Variants in GRIK4 observed in about 807,000 individuals in gnomAD.
The protein encoded by GRIK4 is glutamate receptor ionotropic, kainate 4.
A neutral mutation model predicts 104.9 loss-of-function variants in GRIK4; 40 were observed. The observed-to-expected ratio is 0.38, with a 90% CI of 0.30 to 0.50. GRIK4 has a LOEUF of 0.50. GRIK4 is among the 20% of genes least tolerant of loss of function. The probability of loss-of-function intolerance (pLI) is 0.93; values close to 1 mark genes in which losing one functional copy is unlikely to be tolerated. For synonymous variants in GRIK4, 485 were observed against 524.9 expected, an observed-to-expected ratio of 0.92 and a Z score of 1.04; for missense variants, 1,047 against 1,308.1, an observed-to-expected ratio of 0.80 and a Z score of 3.08.
chr11:120,578,863 G>C (rs1402654842), intron 1 of GRIK4, among the ~76,000 whole-genome samples: 2 of 152,188 alleles, frequency 1.3e-5, no homozygotes, highest in Non-Finnish European at 2.9e-5. Flanking sequence ...AGGTGGGGAG[G>C]GTTGCAACTG....
intron 1 of GRIK4, among the ~76,000 whole-genome samples, chr11:120,558,876 T>G (rs183692000): frequency 1.1e-4 from 16 of 152,304 alleles, no homozygotes; most frequent in Admixed American, 9.8e-4. Flanking sequence ...CTTACTCTTT[T>G]TTTTGCTCTG....
intron 8 of GRIK4, among the ~76,000 whole-genome samples, chr11:120,838,816 G>A (rs929368387): frequency 2.0e-5 from 3 of 151,860 alleles, no homozygotes; most frequent in East Asian, 1.9e-4. Flanking sequence ...ACAGAATCTC[G>A]CTCTGTCACC....
chr11:120,855,390 C>G (rs1055777997), intron 8 of GRIK4, among the ~76,000 whole-genome samples: 1 of 152,170 alleles, frequency 6.6e-6, no homozygotes, highest in African/African-American at 2.4e-5. Flanking sequence ...CTCATGTTCT[C>G]AGTGAAGTGC....
chr11:120,723,724 A>G (rs1354313985), intron 3 of GRIK4, among the ~76,000 whole-genome samples: 2 of 152,170 alleles, frequency 1.3e-5, no homozygotes, highest in African/African-American at 4.8e-5. Context: ...CACAGTGGAT[A>G]GGACATCTGA....
rs988667374 is a variant in GRIK4 at position 120,939,398 on chromosome 11, C to T, written c.1477-949C>T. 1.1e-4 allele frequency among the ~76,000 whole-genome samples: 16 copies of T among 152,138 alleles called. No individual in the cohort carries two copies. Among genetic ancestry groups the T allele is most frequent in the Non-Finnish European group, 8.8e-5 (6 of 68,032 alleles). ...ATTAAGGGGACCAGAAACTCTTCTT[C>T]GGGTCTGCTAATGACATCTGAAGTT... On this transcript the variant is annotated intron_variant, in intron 13 of 20. Transcript: ENST00000527524. The surrounding 1 kb of genome is among the most constrained non-coding windows in gnomAD (Gnocchi z 5.6).
rs1257355728 is a variant in GRIK4, at chr11:120,898,964, G to A, written c.1272+325G>A. 4.6e-5 allele frequency among the ~76,000 whole-genome samples: 7 copies of A among 152,118 alleles called. No homozygotes were observed. The East Asian group carries it at 1.3e-3, about 29-fold the overall frequency. On this transcript the variant is annotated intron_variant, in intron 12 of 20. Coordinates refer to ENST00000527524, the MANE Select transcript of GRIK4 (RefSeq NM_014619.5). The stretch of plus-strand genomic sequence containing the variant: ...GAGCGGGCAGCTGGATCCAGACCCT[G>A]CGGACCCCTGCCCCTTCCCAGCAGC...
At chr11:120,627,357 C>A (rs1437026697) in intron 1 of GRIK4, among the ~76,000 whole-genome samples, 1 of 152,228 alleles carries the variant, frequency 6.6e-6, no homozygotes, top group African/African-American at 2.4e-5. Flanking sequence ...AAGGAGAGCA[C>A]CAGGCTAGGA....
At chr11:120,578,641 C>G (rs1165070960) in intron 1 of GRIK4, among the ~76,000 whole-genome samples, 1 of 152,170 alleles carries the variant, frequency 6.6e-6, no homozygotes, top group African/African-American at 2.4e-5. Context: ...CTCAGTACAA[C>G]TTGGTGGAAT....
intron 1 of GRIK4, among the ~76,000 whole-genome samples, chr11:120,617,073 T>A (rs2135157490): frequency 6.6e-6 from 1 of 152,326 alleles, no homozygotes; most frequent in Non-Finnish European, 1.5e-5. Flanking sequence ...GGGAGCCCCG[T>A]GAATGTTGGC....
At chr11:120,839,492 G>A (rs1369783858) in intron 8 of GRIK4, among the ~76,000 whole-genome samples, 3 of 152,152 alleles carry the variant, frequency 2.0e-5, no homozygotes, top group Admixed American at 2.0e-4. Context: ...ACATAGCAAT[G>A]GACTCACAAT....
intron 9 of GRIK4, among the ~76,000 whole-genome samples, chr11:120,862,654 C>T (rs1592001360): frequency 6.6e-6 from 1 of 152,148 alleles, no homozygotes; most frequent in South Asian, 2.1e-4. Context: ...TCCAGAATGG[C>T]TCCCTTCTGC....
chr11:120,921,348 AGGGGATG>A (rs1381403057), intron 13 of GRIK4, among the ~76,000 whole-genome samples: 1 of 152,182 alleles, frequency 6.6e-6, no homozygotes, highest in Non-Finnish European at 1.5e-5. Context: ...CTCAGCCACC[AGGGGATG>A]GGTGGTTGGA....
rs570145141 is a variant in GRIK4, at chr11:120,624,149, GTGATTAAAC to G, written c.-158-29533_-158-29525del. ...GAGTAACACAAGATAGTGTTTTTAA[GTGATTAAAC>G]TGTTATAGCAATAATTATGTTGAAA... On this transcript the variant is annotated intron_variant, in intron 1 of 20. Transcript: ENST00000527524. Among the ~76,000 whole-genome samples the G allele has an allele frequency of 4.7e-4, 72 of 152,276 alleles. 1 individual carries two copies. The highest frequency in any genetic ancestry group is 1.7e-3 in the African/African-American group (69 of 41,546).
intron 3 of GRIK4, among the ~76,000 whole-genome samples, chr11:120,736,209 C>T (rs993538009): frequency 1.3e-5 from 2 of 152,006 alleles, no homozygotes; most frequent in Non-Finnish European, 2.9e-5. Flanking sequence ...TTCTGGGCCA[C>T]GGTGTGTCTA....
intron 3 of GRIK4, 127 bp downstream of exon 3, chr11:120,660,527 G>A: frequency 1.5e-6 from 1 of 682,366 alleles, no homozygotes; most frequent in Non-Finnish European, 2.5e-6. Flanking sequence ...CCTGAGTGTG[G>A]CTGGGGTGAA....
intron 13 of GRIK4, among the ~76,000 whole-genome samples, chr11:120,917,259 AAAAAAAAAAAAAAG>A (rs1037069959): frequency 2.7e-5 from 4 of 147,936 alleles, no homozygotes; most frequent in African/African-American, 1.0e-4. Flanking sequence ...AAAAAAAAAA[AAAAAAAAAAAAAAG>A]AAAGAAAGAA....
chr11:120,906,659 A>G (rs990914102), intron 13 of GRIK4, among the ~76,000 whole-genome samples: 10 of 152,224 alleles, frequency 6.6e-5, no homozygotes, highest in Non-Finnish European at 1.2e-4. Context: ...TAAAAATACT[A>G]TTTGAGGTAT....
intron 9 of GRIK4, among the ~76,000 whole-genome samples, chr11:120,865,937 C>T (rs527524729): frequency 1.3e-4 from 19 of 151,810 alleles, no homozygotes; most frequent in Non-Finnish European, 2.7e-4. Context: ...GGGGAGGGGG[C>T]GTATGCAGCT....
Position 120,967,257 on chromosome 11 carries a change from G to T in GRIK4, c.2329G>T (p.Glu777Ter). Residue 777 changes from glutamate to a stop codon, truncating the protein, a stop_gained, in exon 19 of 21, where the codon GAG becomes TAG. Coordinates refer to ENST00000527524, the MANE Select transcript of GRIK4 (RefSeq NM_014619.5). LOFTEE classifies it high-confidence loss of function. This position sits in a 1 kb window ranked among gnomAD's most constrained non-coding sequence, Gnocchi z 4.2. ...ILQLQENNRL[E>*]ILKRKWWEGG... The stretch of plus-strand genomic sequence containing the variant: ...CCAGCTGCAGGAGAACAACCGCCTG[G>T]AGATCCTGAAGCGCAAATGGTGGGA... 1 of 1,613,898 alleles carries T rather than the reference G, an allele frequency of 6.2e-7. No individual in the cohort carries two copies. The highest frequency in any genetic ancestry group is 8.5e-7 in the Non-Finnish European group (1 of 1,179,864).
Sources: allele counts gnomAD v4.1 joint callset (sites outside exome capture counted in the v4.1 genomes callset), GRCh38; gene constraint gnomAD v4.1.1; non-coding constraint Gnocchi (gnomAD v3.1); transcripts MANE v1.5; gene names NCBI Gene and HGNC (gene_info 2026-07-23, HGNC 2026-07-21).